The following OSBPL10 variants were observed in gnomAD, a reference collection of about 807,000 sequenced individuals.
OSBPL10 encodes oxysterol binding protein like 10.
A neutral mutation model predicts 81.7 loss-of-function variants in OSBPL10; 49 were observed. The observed-to-expected ratio is 0.60, with a 90% CI of 0.48 to 0.76. The LOEUF is 0.76. Among genes scored for constraint, OSBPL10 ranks in the 30% least tolerant of loss-of-function variants. The pLI is 0.00. For missense variants in OSBPL10, 923 were observed against 987.8 expected, an observed-to-expected ratio of 0.93 and a Z score of 0.88; for synonymous variants, 419 against 383.6, an observed-to-expected ratio of 1.09 and a Z score of -1.08.
chr3:31,756,890 G>C (rs1697904646), intron 4 of OSBPL10, among the ~76,000 whole-genome samples: 1 of 152,198 alleles, frequency 6.6e-6, no homozygotes, highest in African/African-American at 2.4e-5. Flanking sequence ...GCAATGAGCA[G>C]GTGAAGAACC....
intron 1 of OSBPL10, among the ~76,000 whole-genome samples, chr3:32,056,603 T>G (rs1699714630): frequency 6.6e-6 from 1 of 152,256 alleles, no homozygotes; most frequent in Non-Finnish European, 1.5e-5. Flanking sequence ...ACTTTCTGAC[T>G]GAGCTCCTGT....
chr3:31,691,046 AG>A (rs1437096587), intron 7 of OSBPL10, among the ~76,000 whole-genome samples: 4 of 152,052 alleles, frequency 2.6e-5, no homozygotes, highest in Admixed American at 6.5e-5. Flanking sequence ...ACAGAGGGTG[AG>A]TGACGGCCCA....
At chr3:31,838,459 C>A (rs928039883) in intron 3 of OSBPL10, among the ~76,000 whole-genome samples, 2 of 143,000 alleles carry the variant, frequency 1.4e-5, no homozygotes, top group African/African-American at 5.3e-5. Context: ...TGCAGTGAGC[C>A]GAGATCACGA....
intron 1 of OSBPL10, among the ~76,000 whole-genome samples, chr3:32,067,248 G>C (rs551567710): frequency 1.3e-5 from 2 of 152,208 alleles, no homozygotes; most frequent in South Asian, 4.2e-4. Flanking sequence ...TCTTTTGACA[G>C]TCTCAATTCT....
At chr3:31,810,613 T>C (rs981887591) in intron 4 of OSBPL10, among the ~76,000 whole-genome samples, 12 of 152,086 alleles carry the variant, frequency 7.9e-5, no homozygotes, top group Admixed American at 2.0e-4. Flanking sequence ...AAGGAACACA[T>C]ACTAAATAAA....
At position 31,989,773 on chromosome 3, in the gene OSBPL10, T is replaced by C. The variant is rs763218335; in HGVS notation, n.298+56718A>G. The C allele has an allele frequency of 1.5e-5, 24 of 1,614,044 alleles. No individual in the cohort carries two copies. In the Admixed American group the frequency reaches 4.0e-4, roughly 27 times the overall value. ...ACACATAAGAGAAAAATCTTTCCAA[T>C]GTAATGAGAGTGGCAAAGCCTTTAA... On this transcript the variant is annotated intron_variant and non_coding_transcript_variant, in intron 2 of 3. Transcript: ENST00000479173.
intron 1 of OSBPL10, among the ~76,000 whole-genome samples, chr3:31,965,999 T>C (rs1698390509): frequency 7.6e-6 from 1 of 130,796 alleles, no homozygotes. Context: ...TAAAATATAA[T>C]ATATATATAT....
chr3:32,059,573 A>C (rs1360025891), intron 1 of OSBPL10, among the ~76,000 whole-genome samples: 2 of 152,042 alleles, frequency 1.3e-5, no homozygotes, highest in East Asian at 3.9e-4. Context: ...CCTGGGTGAC[A>C]GAGCAAGACT....
chr3:32,034,442 G>GAAAA lies in OSBPL10; in HGVS notation n.298+12045_298+12048dup, dbSNP rs34903839. Among the ~76,000 whole-genome samples the GAAAA allele has an allele frequency of 2.5e-4, 32 of 130,452 alleles. 1 individual carries two copies. The highest frequency in any genetic ancestry group is 5.2e-4 in the African/African-American group (18 of 34,436). 85.6% of individuals were successfully genotyped at this position (130,452 alleles called of 152,430 possible). ...GGTGACAGAGCGAGACCCTGTAGCG[G>GAAAA]AAAAAAAAAAAAAAAAGATTTTCTA... On this transcript the variant is annotated intron_variant and non_coding_transcript_variant, in intron 2 of 3. Coordinates refer to the OSBPL10 transcript ENST00000479173.
At chr3:31,772,904 G>A (rs966198358) in intron 4 of OSBPL10, among the ~76,000 whole-genome samples, 4 of 151,910 alleles carry the variant, frequency 2.6e-5, no homozygotes, top group Middle Eastern at 3.5e-3. Context: ...TTCTGTAAAT[G>A]TAACACTTTT....
intron 1 of OSBPL10, among the ~76,000 whole-genome samples, chr3:31,980,660 G>A (rs1285068553): frequency 6.6e-6 from 1 of 152,106 alleles, no homozygotes; most frequent in African/African-American, 2.4e-5. Context: ...CAGGGCTCTC[G>A]CCTCCCTCCC....
intron 1 of OSBPL10, among the ~76,000 whole-genome samples, chr3:31,934,000 T>G (rs1697317574): frequency 6.6e-6 from 1 of 150,576 alleles, no homozygotes; most frequent in Non-Finnish European, 1.5e-5. Flanking sequence ...TACATCTGAG[T>G]CAATTCCCCT....
intron 1 of OSBPL10, among the ~76,000 whole-genome samples, chr3:31,915,940 T>C (rs1308088625): frequency 3.3e-5 from 5 of 151,258 alleles, no homozygotes; most frequent in Non-Finnish European, 5.9e-5. Flanking sequence ...CTAAAAAATA[T>C]AAAAAATTAG....
At chr3:31,794,648 T>G in intron 4 of OSBPL10, 1 of 318,068 alleles carries the variant, frequency 3.1e-6, no homozygotes. Flanking sequence ...TGGTGTGGAG[T>G]GAAAGATGAA....
chr3:31,862,608 TA>T (rs1701084426), intron 3 of OSBPL10, among the ~76,000 whole-genome samples: 1 of 151,804 alleles, frequency 6.6e-6, no homozygotes, highest in Non-Finnish European at 1.5e-5. Context: ...TATAAATGAA[TA>T]AAAAAAGACA....
At position 31,733,489 on chromosome 3, in the gene OSBPL10, G is replaced by A. The variant is rs918542146; in HGVS notation, c.941-78C>T. On this transcript the variant is annotated intron_variant, in intron 5 of 11. Transcript: ENST00000396556. ...AGCTCATGAAATATTTGTACTCACT[G>A]TATGAAGAGACCTACTTGAAAAGGG... 16 of 1,564,578 alleles carry A rather than the reference G, an allele frequency of 1.0e-5. No homozygotes were observed. In the African/African-American group the frequency reaches 2.2e-4, roughly 21 times the overall value.
intron 4 of OSBPL10, among the ~76,000 whole-genome samples, chr3:31,759,999 T>C (rs1481551010): frequency 6.6e-6 from 1 of 152,186 alleles, no homozygotes. Flanking sequence ...TGACCTCAAG[T>C]GCGCTGCCCA....
chr3:32,005,582 T>G (rs534602224), intron 2 of OSBPL10, among the ~76,000 whole-genome samples: 61 of 151,948 alleles, frequency 4.0e-4, no homozygotes, highest in Admixed American at 7.9e-4. Flanking sequence ...ATGTTTTGGG[T>G]TTTTTTTGTT....
intron 10 of OSBPL10, among the ~76,000 whole-genome samples, chr3:31,668,345 G>A (rs1023908480): frequency 1.3e-5 from 2 of 152,034 alleles, no homozygotes; most frequent in East Asian, 1.9e-4. Context: ...TCAACTCTCG[G>A]TATTTACCTT....
Sources: allele counts gnomAD v4.1 joint callset (sites outside exome capture counted in the v4.1 genomes callset), GRCh38; gene constraint gnomAD v4.1.1; transcripts MANE v1.5; gene names NCBI Gene and HGNC (gene_info 2026-07-23, HGNC 2026-07-21).